Variants in L3MBTL4 observed in about 807,000 individuals in gnomAD.
L3MBTL4 encodes lethal(3)malignant brain tumor-like protein 4.
In L3MBTL4, 70 loss-of-function variants were observed where a neutral mutation model predicts 84.5. That is an observed-to-expected ratio of 0.83 (90% confidence interval 0.68 to 1.01). The LOEUF (loss-of-function observed/expected upper bound fraction) is 1.01, where lower values mean the gene tolerates loss of function less well. L3MBTL4 is among the 50% of genes least tolerant of loss of function. The probability of loss-of-function intolerance (pLI) is 0.00; values close to 1 mark genes in which losing one functional copy is unlikely to be tolerated. For missense variants in L3MBTL4, 715 were observed against 754.8 expected, an observed-to-expected ratio of 0.95 and a Z score of 0.62; for synonymous variants, 274 against 259.8, an observed-to-expected ratio of 1.05 and a Z score of -0.52.
intron 10 of L3MBTL4, among the ~76,000 whole-genome samples, chr18:6,233,980 T>A (rs111395524): frequency 1.3e-5 from 2 of 151,990 alleles, no homozygotes; most frequent in African/African-American, 4.8e-5. Context: ...TATAGACCAG[T>A]GGAACAGAAC....
chr18:6,262,130 C>T (rs901127386), intron 5 of L3MBTL4, among the ~76,000 whole-genome samples: 10 of 152,138 alleles, frequency 6.6e-5, no homozygotes, highest in African/African-American at 2.4e-4. Context: ...CTACCTCTGC[C>T]CTTGGGTGTC....
chr18:6,144,196 CAAAAAAAAA>C (rs35746580), intron 13 of L3MBTL4, among the ~76,000 whole-genome samples: 13 of 58,060 alleles, frequency 2.2e-4, no homozygotes, highest in Admixed American at 7.9e-4. Context: ...ACTCCATCTC[CAAAAAAAAA>C]AAAAAAAAAA....
chr18:6,338,576 G>C (rs1012468109), intron 1 of L3MBTL4, among the ~76,000 whole-genome samples: 2 of 151,800 alleles, frequency 1.3e-5, no homozygotes, highest in African/African-American at 4.8e-5. Context: ...TAAAAAAATA[G>C]ATAAATATCA....
intron 16 of L3MBTL4, among the ~76,000 whole-genome samples, chr18:6,063,480 C>T (rs2057302296): frequency 1.3e-5 from 2 of 151,962 alleles, no homozygotes; most frequent in African/African-American, 4.8e-5. Flanking sequence ...TACACTCCCA[C>T]CAGCAGTGTA....
At chr18:6,188,217 A>C (rs773064674) in intron 12 of L3MBTL4, among the ~76,000 whole-genome samples, 2 of 152,056 alleles carry the variant, frequency 1.3e-5, no homozygotes, top group African/African-American at 2.4e-5. Flanking sequence ...CAGATCATGT[A>C]GGATGGTACT....
In L3MBTL4 at chr18:6,131,528, T is replaced by C. The variant is rs764358671; in HGVS notation, c.1199+6666A>G. Among the ~76,000 whole-genome samples, 100 of 149,486 alleles carry C rather than the reference T, an allele frequency of 6.7e-4. 1 individual carries two copies. Among genetic ancestry groups the C allele is most frequent in the Middle Eastern group, 3.4e-3 (1 of 292 alleles). ...ATATCTATGACAAGAGGAAAAAACCTTTTATTTTGGAATACACAAGTTTTA... is the reference window on the plus strand; with the variant it reads ...ATATCTATGACAAGAGGAAAAAACCCTTTATTTTGGAATACACAAGTTTTA... On this transcript the variant is annotated intron_variant, in intron 14 of 18. Transcript: ENST00000317931.
intron 14 of L3MBTL4, among the ~76,000 whole-genome samples, chr18:6,122,462 G>C (rs941463274): frequency 6.6e-6 from 1 of 152,178 alleles, no homozygotes; most frequent in East Asian, 1.9e-4. Flanking sequence ...GTTCTCATGA[G>C]AGTGAATAAG....
At chr18:6,152,146 G>T (rs1440059828) in intron 13 of L3MBTL4, among the ~76,000 whole-genome samples, 1 of 152,106 alleles carries the variant, frequency 6.6e-6, no homozygotes, top group African/African-American at 2.4e-5. Context: ...GGGCAATTAG[G>T]TAGATTCCCT....
At position 6,343,997 on chromosome 18, in the gene L3MBTL4, G is replaced by GAAA. The variant is rs34939798; in HGVS notation, c.-90-31944_-90-31942dup. On this transcript the variant is annotated intron_variant, in intron 1 of 18. Transcript: ENST00000317931. ...AGCTTTATACTTCAAGGAGCTAGAG[G>GAAA]AAAAAAAAAAAAAAAAATAGGCCCA... 2.9e-3 allele frequency among the ~76,000 whole-genome samples: 304 copies of GAAA among 106,288 alleles called. 2 individuals are homozygous for GAAA. The highest frequency in any genetic ancestry group is 0.016 in the Middle Eastern group (3 of 184). 69.7% of individuals were successfully genotyped at this position (106,288 alleles called of 152,430 possible).
intron 16 of L3MBTL4, among the ~76,000 whole-genome samples, chr18:5,973,968 C>A (rs1277972853): frequency 2.6e-5 from 4 of 152,338 alleles, no homozygotes; most frequent in Non-Finnish European, 5.9e-5. Flanking sequence ...ATGTTCTCTG[C>A]ACCAGAAAAT....
At chr18:6,345,992 G>C (rs1309757211) in intron 1 of L3MBTL4, among the ~76,000 whole-genome samples, 7 of 151,278 alleles carry the variant, frequency 4.6e-5, no homozygotes, top group Non-Finnish European at 5.9e-5. Flanking sequence ...CAACGGAACA[G>C]AATGGAGCGC....
intron 15 of L3MBTL4, among the ~76,000 whole-genome samples, chr18:6,087,166 G>C (rs999413189): frequency 6.6e-6 from 1 of 152,214 alleles, no homozygotes; most frequent in African/African-American, 2.4e-5. Context: ...TTGAATGAAT[G>C]AATATGTCTA....
chr18:6,128,028 T>C (rs1276445294), intron 14 of L3MBTL4, among the ~76,000 whole-genome samples: 2 of 71,864 alleles, frequency 2.8e-5, no homozygotes, highest in Non-Finnish European at 4.7e-5. Context: ...AACAAAAATA[T>C]TGGGTGGGGC....
chr18:6,186,158 G>A (rs575778397), intron 12 of L3MBTL4, among the ~76,000 whole-genome samples: 2 of 151,868 alleles, frequency 1.3e-5, no homozygotes, highest in African/African-American at 4.8e-5. Flanking sequence ...GACTACAGGT[G>A]CCCACCACCA....
chr18:5,994,057 T>C (rs758886523), intron 16 of L3MBTL4, among the ~76,000 whole-genome samples: 3 of 152,200 alleles, frequency 2.0e-5, no homozygotes, highest in South Asian at 4.1e-4. Context: ...TTGTGGTTCA[T>C]GCCCCTTTCT....
At chr18:6,316,869 G>A (rs939194444) in intron 1 of L3MBTL4, among the ~76,000 whole-genome samples, 24 of 152,110 alleles carry the variant, frequency 1.6e-4, no homozygotes, top group South Asian at 2.1e-4. Flanking sequence ...TCAGGGCTGG[G>A]ACATCTGCCC....
In L3MBTL4 at chr18:6,226,413, T is replaced by C. The variant is rs373798236; in HGVS notation, c.785-10578A>G. Among the ~76,000 whole-genome samples, 26 of 152,072 alleles carry C rather than the reference T, an allele frequency of 1.7e-4. 1 individual carries two copies. The East Asian group carries it at 3.5e-3, about 20-fold the overall frequency. On this transcript the variant is annotated intron_variant, in intron 10 of 18. Coordinates refer to ENST00000317931, the MANE Select transcript of L3MBTL4 (RefSeq NM_001330559.2). ...AGAGTGAGATTCTGCCTCCAAATAATAATAATAAAATAAAAAATAAACAAA... is the reference window on the plus strand; with the variant it reads ...AGAGTGAGATTCTGCCTCCAAATAACAATAATAAAATAAAAAATAAACAAA...
chr18:6,307,919 T>C (rs1215588619), intron 3 of L3MBTL4, among the ~76,000 whole-genome samples: 1 of 152,226 alleles, frequency 6.6e-6, no homozygotes, highest in South Asian at 2.1e-4. Flanking sequence ...TTTTCTTTTG[T>C]GAAACTTGCA....
intron 4 of L3MBTL4, among the ~76,000 whole-genome samples, chr18:6,273,940 C>G (rs561001966): frequency 6.6e-6 from 1 of 152,352 alleles, no homozygotes; most frequent in African/African-American, 2.4e-5. Flanking sequence ...GTTAGAAACG[C>G]AAATGTGGGG....
Sources: allele counts gnomAD v4.1 joint callset (sites outside exome capture counted in the v4.1 genomes callset), GRCh38; gene constraint gnomAD v4.1.1; transcripts MANE v1.5; gene names NCBI Gene and HGNC (gene_info 2026-07-23, HGNC 2026-07-21).